PLPPR5: variants seen among roughly 807,000 people sequenced by gnomAD.
PLPPR5 encodes phospholipid phosphatase-related protein type 5.
In PLPPR5, 16 loss-of-function variants were observed where a neutral mutation model predicts 33.9. The ratio of observed to expected loss-of-function variants is 0.47; its 90% CI spans 0.32 to 0.72. The LOEUF (loss-of-function observed/expected upper bound fraction) is 0.72, where lower values mean the gene tolerates loss of function less well. PLPPR5 is among the 30% of genes least tolerant of loss of function. The pLI, the probability that PLPPR5 is intolerant of heterozygous loss-of-function variation, is 0.03. For synonymous variants in PLPPR5, 163 were observed against 150.3 expected, an observed-to-expected ratio of 1.08 and a Z score of -0.62; for missense variants, 301 against 406.7, an observed-to-expected ratio of 0.74 and a Z score of 2.23.
chr1:98,901,995 C>A (rs1648710844), intron 5 of PLPPR5, among the ~76,000 whole-genome samples: 1 of 151,872 alleles, frequency 6.6e-6, no homozygotes, highest in African/African-American at 2.4e-5. Flanking sequence ...TCTAAAGTGA[C>A]AAATATGGAA....
intron 3 of PLPPR5, among the ~76,000 whole-genome samples, chr1:98,922,722 A>T (rs1270261919): frequency 1.3e-5 from 2 of 152,110 alleles, no homozygotes; most frequent in East Asian, 3.8e-4. Context: ...GCGGTGGCTC[A>T]CTCCTGTAAT....
At chr1:98,949,379 C>T (rs1650689542) in intron 3 of PLPPR5, among the ~76,000 whole-genome samples, 1 of 151,930 alleles carries the variant, frequency 6.6e-6, no homozygotes, top group Non-Finnish European at 1.5e-5. Context: ...AGTTCAAATT[C>T]CTCAGTTTTA....
chr1:98,911,912 A>C (rs913440684), intron 5 of PLPPR5, among the ~76,000 whole-genome samples: 7 of 152,016 alleles, frequency 4.6e-5, no homozygotes, highest in Non-Finnish European at 8.8e-5. Context: ...GGCACATGCC[A>C]CCGCACCTGG....
intron 1 of PLPPR5, among the ~76,000 whole-genome samples, chr1:98,959,581 ACTGT>A (rs1208223238): frequency 1.3e-5 from 2 of 152,160 alleles, no homozygotes; most frequent in Admixed American, 1.3e-4. Flanking sequence ...CTGGAGTCAT[ACTGT>A]CTTTCATCTC....
At chr1:99,001,671 G>GAGATATATATATATATATATAT (rs1553173331) in intron 1 of PLPPR5, among the ~76,000 whole-genome samples, 1 of 102,196 alleles carries the variant, frequency 9.8e-6, no homozygotes, top group Admixed American at 1.0e-4. Flanking sequence ...GAAAGTTAAA[G>GAGATATATATATATATATATAT]ATATATATAT....
chr1:98,896,478 G>C lies in PLPPR5; in HGVS notation c.934-3374C>G, dbSNP rs145161474. On this transcript the variant is annotated intron_variant, in intron 5 of 5. Transcript: ENST00000263177. ...TATTCAGAATCATGAGAAGAAACTG[G>C]TCATATAATTTTTTGTCACAATTCC... Among the ~76,000 whole-genome samples, 273 of 152,202 alleles carry C rather than the reference G, an allele frequency of 1.8e-3. 1 individual carries two copies. Among genetic ancestry groups the C allele is most frequent in the African/African-American group, 6.4e-3 (266 of 41,556 alleles).
intron 5 of PLPPR5, among the ~76,000 whole-genome samples, chr1:98,911,966 T>C (rs940469899): frequency 6.6e-6 from 1 of 152,108 alleles, no homozygotes; most frequent in Non-Finnish European, 1.5e-5. Context: ...AGTCTCACTA[T>C]TGTTACAGCC....
At chr1:99,001,683 T>TATATAC (rs1557699503) in intron 1 of PLPPR5, among the ~76,000 whole-genome samples, 1 of 142,370 alleles carries the variant, frequency 7.0e-6, no homozygotes, top group African/African-American at 2.6e-5. Context: ...TATATATATA[T>TATATAC]ATATATATAT....
intron 1 of PLPPR5, among the ~76,000 whole-genome samples, chr1:98,983,676 A>G (rs1350281277): frequency 2.0e-5 from 3 of 151,300 alleles, no homozygotes; most frequent in South Asian, 2.1e-4. Flanking sequence ...GACTTCCACA[A>G]TGGTTGAACT....
At chr1:98,940,431 T>C (rs1650330138) in intron 3 of PLPPR5, among the ~76,000 whole-genome samples, 1 of 151,928 alleles carries the variant, frequency 6.6e-6, no homozygotes, top group Non-Finnish European at 1.5e-5. Flanking sequence ...ACTTAGGGGT[T>C]AGGGCTTCAA....
intron 1 of PLPPR5, among the ~76,000 whole-genome samples, chr1:98,995,551 C>T (rs979394364): frequency 6.6e-6 from 1 of 152,018 alleles, no homozygotes; most frequent in African/African-American, 2.4e-5. Flanking sequence ...GGGTACAGGA[C>T]TCTAGTAAGG....
chr1:98,949,256 A>C (rs1436650315), intron 3 of PLPPR5, among the ~76,000 whole-genome samples: 2 of 148,514 alleles, frequency 1.3e-5, no homozygotes, highest in Non-Finnish European at 3.0e-5. Flanking sequence ...ACTTACAAAA[A>C]TAGGAATAGA....
At chr1:98,921,575 C>T (rs1649555030) in intron 4 of PLPPR5, among the ~76,000 whole-genome samples, 1 of 151,748 alleles carries the variant, frequency 6.6e-6, no homozygotes, top group Admixed American at 6.6e-5. Flanking sequence ...CAGTTTTTAC[C>T]CAGTCTTAAA....
intron 3 of PLPPR5, among the ~76,000 whole-genome samples, chr1:98,937,356 A>G (rs1650208402): frequency 6.6e-6 from 1 of 152,192 alleles, no homozygotes; most frequent in Non-Finnish European, 1.5e-5. Flanking sequence ...CCCTATCAAG[A>G]GGTAGAGTCC....
intron 2 of PLPPR5, 97 bp from the exon 3 acceptor site, chr1:98,953,417 A>C: frequency 6.8e-7 from 1 of 1,464,512 alleles, no homozygotes; most frequent in South Asian, 1.3e-5. Flanking sequence ...ACAATAAACC[A>C]AAATGGAAAT....
intron 3 of PLPPR5, among the ~76,000 whole-genome samples, chr1:98,950,419 C>G (rs1393643738): frequency 6.6e-6 from 1 of 152,046 alleles, no homozygotes. Context: ...ATTAATATGT[C>G]CCAATTTTTA....
intron 3 of PLPPR5, among the ~76,000 whole-genome samples, chr1:98,923,942 C>T (rs1326745179): frequency 6.6e-6 from 1 of 152,154 alleles, no homozygotes; most frequent in Admixed American, 6.5e-5. Context: ...ATGACGAGTG[C>T]GTATGAATAG....
chr1:98,985,141 C>T (rs775628768), intron 1 of PLPPR5, among the ~76,000 whole-genome samples: 7 of 151,984 alleles, frequency 4.6e-5, no homozygotes, highest in African/African-American at 9.7e-5. Flanking sequence ...CAATAGATGA[C>T]GGCTGTCTAG....
At chr1:98,951,433 G>A (rs570211259) in intron 3 of PLPPR5, among the ~76,000 whole-genome samples, 1 of 152,296 alleles carries the variant, frequency 6.6e-6, no homozygotes, top group Admixed American at 6.5e-5. Context: ...GGCAAGGAGA[G>A]AGTTGTAACA....
Sources: gnomAD v4.1 joint callset for allele counts (sites outside exome capture counted in the v4.1 genomes callset) on GRCh38, gnomAD v4.1.1 for gene constraint, MANE v1.5 for transcripts, NCBI Gene and HGNC (gene_info 2026-07-23, HGNC 2026-07-21) for gene names.